The following SDC2 variants were observed in gnomAD, a reference collection of about 807,000 sequenced individuals.
SDC2 encodes the protein syndecan 2, also known as syndecan-2.
SDC2 carries 13 observed loss-of-function variants against 22.2 expected under a neutral mutation model. That is an observed-to-expected ratio of 0.59 (90% CI 0.38 to 0.93). SDC2 has a LOEUF of 0.93. Among genes scored for constraint, SDC2 ranks in the 40% least tolerant of loss-of-function variants. The pLI, the probability that SDC2 is intolerant of heterozygous loss-of-function variation, is 0.00. For missense variants in SDC2, 235 were observed against 246.8 expected (o/e 0.95, Z 0.32); for synonymous variants, 94 against 92.8 (o/e 1.01, Z -0.07).
chr8:96,565,022 G>A (rs193249837), intron 1 of SDC2, among the ~76,000 whole-genome samples: 1 of 147,446 alleles, frequency 6.8e-6, no homozygotes, highest in East Asian at 2.0e-4. Context: ...GGAAGGGAAA[G>A]TAATTTTTAG....
intron 1 of SDC2, among the ~76,000 whole-genome samples, chr8:96,589,586 T>G (rs1271681464): frequency 6.6e-6 from 1 of 152,118 alleles, no homozygotes; most frequent in Non-Finnish European, 1.5e-5. Context: ...CTAATTTTTG[T>G]AATTTTTGGT....
chr8:96,593,623 A>G, intron 2 of SDC2, 32 bp downstream of exon 2: 3 of 1,345,168 alleles, frequency 2.2e-6, no homozygotes, highest in African/African-American at 1.4e-5. Context: ...ACTGGACCTC[A>G]TTCTCCAGGC....
chr8:96,554,659 AG>A (rs1814080527), intron 1 of SDC2, among the ~76,000 whole-genome samples: 1 of 152,214 alleles, frequency 6.6e-6, no homozygotes, highest in Non-Finnish European at 1.5e-5. Flanking sequence ...TTGGGCACCC[AG>A]GGGTGGTTGA....
At chr8:96,523,314 T>C (rs1384427565) in intron 1 of SDC2, among the ~76,000 whole-genome samples, 1 of 152,196 alleles carries the variant, frequency 6.6e-6, no homozygotes, top group Non-Finnish European at 1.5e-5. Flanking sequence ...TGGAAGTAGT[T>C]CATGAATCCT....
At chr8:96,602,589 A>C (rs1815009521) in intron 3 of SDC2, 61 bp downstream of exon 3, 2 of 1,548,972 alleles carry the variant, frequency 1.3e-6, no homozygotes, top group South Asian at 2.3e-5. Flanking sequence ...CACTTTACTG[A>C]CTGTACACAA....
At chr8:96,527,425 A>G (rs575459986) in intron 1 of SDC2, among the ~76,000 whole-genome samples, 8 of 152,048 alleles carry the variant, frequency 5.3e-5, no homozygotes, top group Admixed American at 5.2e-4. Flanking sequence ...TTCCACTTGC[A>G]CAGTTCTCTC....
intron 1 of SDC2, among the ~76,000 whole-genome samples, chr8:96,517,736 T>C (rs1813424761): frequency 7.8e-6 from 1 of 128,898 alleles, no homozygotes; most frequent in African/African-American, 3.3e-5. Flanking sequence ...TATGTATATA[T>C]GTGTGTGCAT....
chr8:96,604,760 C>T (rs949147944), intron 3 of SDC2, among the ~76,000 whole-genome samples: 1 of 152,170 alleles, frequency 6.6e-6, no homozygotes, highest in Non-Finnish European at 1.5e-5. Flanking sequence ...CCATGGCATC[C>T]AAACAACCAG....
intron 1 of SDC2, among the ~76,000 whole-genome samples, chr8:96,564,160 T>C (rs1293676209): frequency 6.6e-6 from 1 of 152,198 alleles, no homozygotes; most frequent in Non-Finnish European, 1.5e-5. Flanking sequence ...ATTTTAGTGT[T>C]ATGGTTAAAT....
At chr8:96,496,246 C>T (rs571309530) in intron 1 of SDC2, among the ~76,000 whole-genome samples, 49 of 152,202 alleles carry the variant, frequency 3.2e-4, no homozygotes, top group African/African-American at 1.2e-3. Flanking sequence ...GTTTTTTGGC[C>T]GAACTATATA....
At chr8:96,594,407 A>G (rs1262094644) in intron 2 of SDC2, among the ~76,000 whole-genome samples, 1 of 152,130 alleles carries the variant, frequency 6.6e-6, no homozygotes, top group East Asian at 1.9e-4. Flanking sequence ...ATTCTCCAGT[A>G]GGCAAGCTAT....
chr8:96,604,834 C>T, intron 3 of SDC2, among the ~76,000 whole-genome samples: 1 of 152,212 alleles, frequency 6.6e-6, no homozygotes, highest in East Asian at 1.9e-4. Context: ...TTTGCGGATT[C>T]ATTTTGCACA....
intron 3 of SDC2, among the ~76,000 whole-genome samples, chr8:96,603,692 T>C (rs1815030412): frequency 6.6e-6 from 1 of 152,124 alleles, no homozygotes. Context: ...ATCCTCCCAG[T>C]GCCTGTGACT....
chr8:96,495,182 G>T (rs1172098495), intron 1 of SDC2, among the ~76,000 whole-genome samples: 2 of 152,190 alleles, frequency 1.3e-5, no homozygotes, highest in Non-Finnish European at 2.9e-5. Context: ...GCCGCTGGGG[G>T]ACAGAGGCTT....
intron 1 of SDC2, among the ~76,000 whole-genome samples, chr8:96,542,098 T>C (rs1204515877): frequency 6.6e-6 from 1 of 152,200 alleles, no homozygotes; most frequent in Non-Finnish European, 1.5e-5. Flanking sequence ...TGGCTCTCTT[T>C]GTAATTTTCA....
At chr8:96,545,747 AGGGTGGT>A (rs1554602362) in intron 1 of SDC2, among the ~76,000 whole-genome samples, 1 of 152,190 alleles carries the variant, frequency 6.6e-6, no homozygotes, top group Non-Finnish European at 1.5e-5. Flanking sequence ...CTGTGGGCTT[AGGGTGGT>A]GGCCTGGGCG....
At chr8:96,566,596 A>G (rs1191592819) in intron 1 of SDC2, among the ~76,000 whole-genome samples, 1 of 152,014 alleles carries the variant, frequency 6.6e-6, no homozygotes, top group Non-Finnish European at 1.5e-5. Flanking sequence ...GCAAGCATAT[A>G]TACATAACAA....
At chr8:96,582,959 A>G (rs1228304688) in intron 1 of SDC2, among the ~76,000 whole-genome samples, 3 of 152,072 alleles carry the variant, frequency 2.0e-5, no homozygotes, top group African/African-American at 7.2e-5. Flanking sequence ...TTGCAACTGA[A>G]TATCCATTTT....
chr8:96,508,717 A>G (rs966557122), intron 1 of SDC2, among the ~76,000 whole-genome samples: 1 of 141,782 alleles, frequency 7.1e-6, no homozygotes, highest in South Asian at 2.2e-4. Context: ...AGGCGGTATT[A>G]CTTGCCAAGG....
Sources: allele counts gnomAD v4.1 joint callset (sites outside exome capture counted in the v4.1 genomes callset), GRCh38; gene constraint gnomAD v4.1.1; transcripts MANE v1.5; gene names NCBI Gene and HGNC (gene_info 2026-07-23, HGNC 2026-07-21).